Variants in CEP112 observed in about 807,000 individuals in gnomAD.
CEP112 encodes centrosomal protein of 112 kDa.
CEP112 carries 127 observed loss-of-function variants against 153.0 expected under a neutral mutation model. The ratio of observed to expected loss-of-function variants is 0.83; its 90% CI spans 0.72 to 0.96. The LOEUF is 0.96. Among genes scored for constraint, CEP112 ranks in the 40% least tolerant of loss-of-function variants. CEP112 has a pLI of 0.00. For missense variants in CEP112, 1,089 were observed against 1,101.2 expected (o/e 0.99, Z 0.16); for synonymous variants, 358 against 374.4 (o/e 0.96, Z 0.51).
chr17:65,637,209 G>T (rs758626602), intron 25 of CEP112, 21 bp from the exon 26 acceptor site: 1 of 1,582,218 alleles, frequency 6.3e-7, no homozygotes, highest in South Asian at 1.1e-5. Context: ...CACCTTGTGT[G>T]AGAAGAGGTG....
chr17:65,847,146 C>T (rs2057758312), intron 21 of CEP112, among the ~76,000 whole-genome samples: 1 of 152,108 alleles, frequency 6.6e-6, no homozygotes, highest in South Asian at 2.1e-4. Context: ...CTTCCCTTTC[C>T]CCAGACTCTC....
At chr17:65,889,310 A>G (rs889737958) in intron 20 of CEP112, among the ~76,000 whole-genome samples, 2 of 152,174 alleles carry the variant, frequency 1.3e-5, no homozygotes, top group Admixed American at 1.3e-4. Context: ...GCCAGTGTTC[A>G]TGGACTGCTG....
chr17:66,153,342 C>A (rs140578118), intron 4 of CEP112, among the ~76,000 whole-genome samples: 1 of 151,576 alleles, frequency 6.6e-6, no homozygotes, highest in Non-Finnish European at 1.5e-5. Flanking sequence ...CAATGAAATA[C>A]CACTCAGGAA....
chr17:65,925,859 T>G (rs775717206), intron 19 of CEP112, among the ~76,000 whole-genome samples: 1 of 152,206 alleles, frequency 6.6e-6, no homozygotes, highest in Non-Finnish European at 1.5e-5. Flanking sequence ...CAAGATGACA[T>G]GACATGGGTC....
intron 23 of CEP112, among the ~76,000 whole-genome samples, chr17:65,717,820 C>A (rs2049622146): frequency 6.6e-6 from 1 of 152,080 alleles, no homozygotes; most frequent in Non-Finnish European, 1.5e-5. Flanking sequence ...TAAAAGGGTC[C>A]CTGACTTCTT....
At position 65,913,800 on chromosome 17, in the gene CEP112, C is replaced by T. The variant is rs926936641; in HGVS notation, c.1981-11466G>A. On this transcript the variant is annotated intron_variant, in intron 19 of 26. Coordinates refer to ENST00000535342, the MANE Select transcript of CEP112 (RefSeq NM_001199165.4). ...CAGGGAGAGCAGAAGGCTGGAAACA[C>T]AGCTGTGATTAGCAAGCTGATAGAT... is the stretch of plus-strand genomic sequence containing the variant. The T allele has an allele frequency of 6.1e-6, 6 of 985,328 alleles. No homozygotes were observed. In the African/African-American group the frequency reaches 1.0e-4, roughly 17 times the overall value. The allele number at this position is 985,328 out of a possible 1,614,324, so 61.0% of individuals were successfully genotyped here.
At chr17:65,821,900 G>A (rs1313067530) in intron 21 of CEP112, among the ~76,000 whole-genome samples, 1 of 151,666 alleles carries the variant, frequency 6.6e-6, no homozygotes, top group Non-Finnish European at 1.5e-5. Context: ...AATTCACTAA[G>A]AAGGTATCAC....
At chr17:65,803,631 A>G (rs1259764701) in intron 21 of CEP112, among the ~76,000 whole-genome samples, 2 of 152,186 alleles carry the variant, frequency 1.3e-5, no homozygotes, top group Non-Finnish European at 2.9e-5. Flanking sequence ...ATCAAGTATC[A>G]CATGCCATCT....
At chr17:66,089,680 C>T (rs531226974) in intron 8 of CEP112, among the ~76,000 whole-genome samples, 7 of 151,844 alleles carry the variant, frequency 4.6e-5, no homozygotes, top group South Asian at 2.1e-4. Flanking sequence ...GTTTACAGGA[C>T]GTATGGGACA....
At chr17:66,041,520 C>T (rs550948743) in intron 12 of CEP112, among the ~76,000 whole-genome samples, 3 of 152,116 alleles carry the variant, frequency 2.0e-5, no homozygotes, top group Non-Finnish European at 4.4e-5. Flanking sequence ...CTAGTATATA[C>T]TGTATACACA....
intron 24 of CEP112, among the ~76,000 whole-genome samples, chr17:65,678,013 A>G (rs1456712138): frequency 6.7e-6 from 1 of 149,882 alleles, no homozygotes; most frequent in Admixed American, 6.7e-5. Context: ...TCTCAACAGA[A>G]AAAGGGCTGG....
At chr17:65,694,039 C>A (rs992514034) in intron 23 of CEP112, among the ~76,000 whole-genome samples, 1 of 152,108 alleles carries the variant, frequency 6.6e-6, no homozygotes. Context: ...GCCAACCTGT[C>A]CAAGGGATAT....
chr17:66,063,539 G>A (rs114168045), intron 10 of CEP112, among the ~76,000 whole-genome samples: 56 of 152,130 alleles, frequency 3.7e-4, no homozygotes, highest in African/African-American at 1.3e-3. Context: ...ACTACATATT[G>A]GATACAATGT....
At chr17:65,723,936 T>C (rs892182505) in intron 23 of CEP112, among the ~76,000 whole-genome samples, 14 of 152,254 alleles carry the variant, frequency 9.2e-5, no homozygotes, top group African/African-American at 3.1e-4. Context: ...AATCCTGTTT[T>C]ATTAATGAGA....
chr17:65,907,395 G>A (rs1181606657), intron 19 of CEP112, among the ~76,000 whole-genome samples: 1 of 152,146 alleles, frequency 6.6e-6, no homozygotes, highest in Non-Finnish European at 1.5e-5. Flanking sequence ...TATTTTGCCA[G>A]GGCCTATTGC....
At chr17:65,708,368 AC>A (rs1406342111) in intron 23 of CEP112, among the ~76,000 whole-genome samples, 1 of 152,192 alleles carries the variant, frequency 6.6e-6, no homozygotes, top group Non-Finnish European at 1.5e-5. Flanking sequence ...TTTATGTTTT[AC>A]CTCAGATTAT....
intron 21 of CEP112, among the ~76,000 whole-genome samples, chr17:65,831,878 CA>C (rs1198531151): frequency 6.6e-6 from 1 of 152,068 alleles, no homozygotes; most frequent in East Asian, 1.9e-4. Flanking sequence ...GGGAAAACAA[CA>C]GAATATACAT....
At chr17:65,898,269 C>T (rs556448896) in intron 20 of CEP112, among the ~76,000 whole-genome samples, 4 of 152,120 alleles carry the variant, frequency 2.6e-5, no homozygotes, top group East Asian at 1.9e-4. Flanking sequence ...ATTTACCCTT[C>T]GAGTAATCTT....
intron 21 of CEP112, among the ~76,000 whole-genome samples, chr17:65,793,869 T>G (rs542527894): frequency 9.8e-5 from 15 of 152,358 alleles, no homozygotes; most frequent in African/African-American, 3.6e-4. Flanking sequence ...CTTTCTCTTA[T>G]TCCTTCAGTT....
Sources: allele counts gnomAD v4.1 joint callset (sites outside exome capture counted in the v4.1 genomes callset), GRCh38; gene constraint gnomAD v4.1.1; transcripts MANE v1.5; gene names NCBI Gene and HGNC (gene_info 2026-07-23, HGNC 2026-07-21).